PCDHA10: variants seen among roughly 807,000 people sequenced by gnomAD.
PCDHA10 encodes the protein protocadherin alpha-10.
PCDHA10 carries 45 observed loss-of-function variants against 61.2 expected under a neutral mutation model. That is an observed-to-expected ratio of 0.74 (90% CI 0.58 to 0.94). The LOEUF (loss-of-function observed/expected upper bound fraction) is 0.94. Among genes scored for constraint, PCDHA10 ranks in the 40% least tolerant of loss-of-function variants. PCDHA10 has a pLI of 0.00. For synonymous variants in PCDHA10, 602 were observed against 548.8 expected (o/e 1.10, Z -1.35); for missense variants, 1,278 against 1,236.2 (o/e 1.03, Z -0.51).
At chr5:140,899,574 C>T (rs890849786) in intron 1 of PCDHA10, among the ~76,000 whole-genome samples, 2 of 152,112 alleles carry the variant, frequency 1.3e-5, no homozygotes, top group African/African-American at 4.8e-5. Context: ...CTGCTGGATT[C>T]GGTTTGCCAG....
At chr5:140,915,096 C>T (rs530875134) in intron 1 of PCDHA10, among the ~76,000 whole-genome samples, 1 of 152,060 alleles carries the variant, frequency 6.6e-6, no homozygotes, top group Admixed American at 6.5e-5. Context: ...TGGGCACGCA[C>T]CACCACAACA....
chr5:140,883,551 G>T, intron 1 of PCDHA10: 4 of 1,614,234 alleles, frequency 2.5e-6, no homozygotes, highest in Non-Finnish European at 3.4e-6. Flanking sequence ...GTGACCGCGC[G>T]GGACGGGGGC....
chr5:140,858,158 G>T lies in PCDHA10; in HGVS notation c.2110G>T (p.Ala704Ser), dbSNP rs781899082. The T allele has an allele frequency of 5.6e-6, 9 of 1,597,732 alleles. 3 individuals carry two copies. Among genetic ancestry groups the T allele is most frequent in the Non-Finnish European group, 7.7e-6 (9 of 1,167,532 alleles). ...CGTGTACCTGATCATCGCCATCTGC[G>T]CGGTGTCCAGCTTGCTGGTGCTCAC... ...VNVYLIIAIC[A>S]VSSLLVLTLL... The change falls in exon 1 of 4, where the codon GCG becomes TCG. Residue 704 changes from alanine to serine, a missense_variant. Ala to Ser is a moderately conservative substitution (Grantham distance 99). Coordinates refer to ENST00000307360, the MANE Select transcript of PCDHA10 (RefSeq NM_018901.4).
At chr5:140,858,899 C>T (rs1236968449) in intron 1 of PCDHA10, 4 of 203,942 alleles carry the variant, frequency 2.0e-5, no homozygotes, top group Non-Finnish European at 3.0e-5. Flanking sequence ...ATATGTGTAG[C>T]GTACCACAGC....
intron 1 of PCDHA10, chr5:140,860,894 C>A (rs1220238688): frequency 1.3e-5 from 2 of 152,314 alleles, no homozygotes; most frequent in African/African-American, 2.4e-5. Context: ...CCCGCCAACA[C>A]GCCAGGCTAA....
chr5:140,858,703 T>C lies in PCDHA10; in HGVS notation c.2388+267T>C, dbSNP rs918251691. 1.1e-5 allele frequency: 6 copies of C among 560,482 alleles called. 2 individuals carry two copies. The highest frequency in any genetic ancestry group is 1.8e-5 in the Non-Finnish European group (6 of 325,182). 34.7% of individuals were successfully genotyped at this position (560,482 alleles called of 1,614,324 possible). ...ACACTAATATTTTCCAATACAAATATGTGATATAGGTTGCAGTTCTGACGA... is the reference window on the plus strand; with the variant it reads ...ACACTAATATTTTCCAATACAAATACGTGATATAGGTTGCAGTTCTGACGA... On this transcript the variant is annotated intron_variant, in intron 1 of 3. Coordinates refer to ENST00000307360, the MANE Select transcript of PCDHA10 (RefSeq NM_018901.4).
At chr5:140,878,174 T>C (rs1554170323) in intron 1 of PCDHA10, 2 of 167,818 alleles carry the variant, frequency 1.2e-5, no homozygotes, top group African/African-American at 2.4e-5. Flanking sequence ...TGTTCATAAT[T>C]TCAAGATTAC....
chr5:140,992,976 AG>A (rs2097535791), intron 3 of PCDHA10, among the ~76,000 whole-genome samples: 3 of 152,240 alleles, frequency 2.0e-5, no homozygotes, highest in Non-Finnish European at 4.4e-5. Flanking sequence ...GACAATGATT[AG>A]GCCATGGGAC....
At chr5:141,000,558 G>A (rs1462892656) in intron 3 of PCDHA10, among the ~76,000 whole-genome samples, 1 of 149,136 alleles carries the variant, frequency 6.7e-6, no homozygotes, top group Admixed American at 6.8e-5. Flanking sequence ...CTCCCGAGTA[G>A]CTGGGATTAC....
chr5:140,873,497 T>C (rs1236825837), intron 1 of PCDHA10, among the ~76,000 whole-genome samples: 1 of 152,230 alleles, frequency 6.6e-6, no homozygotes, highest in Non-Finnish European at 1.5e-5. Context: ...TGCAAAGTTG[T>C]GTCTTTTATA....
intron 1 of PCDHA10, chr5:140,864,514 A>ATTTTACTTCTTAATT (rs2048501242): frequency 6.6e-6 from 1 of 152,082 alleles, no homozygotes; most frequent in African/African-American, 2.4e-5. Context: ...TTTAAAGGTG[A>ATTTTACTTCTTAATT]TTTTACTTCT....
chr5:140,953,960 A>G (rs2153700982), intron 1 of PCDHA10, among the ~76,000 whole-genome samples: 1 of 152,088 alleles, frequency 6.6e-6, no homozygotes, highest in South Asian at 2.1e-4. Flanking sequence ...AACAGGCCCC[A>G]GTGTGTGTTG....
chr5:141,004,642 C>T (rs1470971220), intron 3 of PCDHA10, among the ~76,000 whole-genome samples: 1 of 152,120 alleles, frequency 6.6e-6, no homozygotes, highest in African/African-American at 2.4e-5. Context: ...GAAAAATTTC[C>T]ATTTTGGGCT....
At chr5:140,966,246 G>A (rs184430396) in intron 1 of PCDHA10, 1 of 319,412 alleles carries the variant, frequency 3.1e-6, no homozygotes, top group East Asian at 5.0e-5. Flanking sequence ...TTAAGCAGGG[G>A]AGAGACGGTG....
At chr5:140,882,301 G>T in intron 1 of PCDHA10, 1 of 1,613,800 alleles carries the variant, frequency 6.2e-7, no homozygotes, top group Non-Finnish European at 8.5e-7. Context: ...GCCCAAGACC[G>T]CGGCAACTAC....
intron 1 of PCDHA10, chr5:140,869,935 A>T: frequency 1.2e-6 from 2 of 1,612,050 alleles, no homozygotes; most frequent in Admixed American, 1.7e-5. Flanking sequence ...TGGAGAGGTA[A>T]CATACTCCTT....
Position 140,871,448 on chromosome 5 carries a change from A to G in PCDHA10, c.2388+13012A>G, listed in dbSNP as rs2053088391. On this transcript the variant is annotated intron_variant, in intron 1 of 3. Transcript: ENST00000307360. ...AGTCTTCCTCTAGGTCTGAATAAAG[A>G]GGAGGAAGGGGAAAGACAGGAGCCA... 2 of 1,609,780 alleles carry G rather than the reference A, an allele frequency of 1.2e-6. No homozygotes were observed. Among genetic ancestry groups the G allele is most frequent in the African/African-American group, 2.7e-5 (2 of 74,984 alleles).
intron 1 of PCDHA10, among the ~76,000 whole-genome samples, chr5:140,936,259 T>A (rs1327533719): frequency 6.6e-6 from 1 of 152,228 alleles, no homozygotes; most frequent in African/African-American, 2.4e-5. Context: ...CTTCAAGTCA[T>A]GAAGATATAT....
chr5:140,955,492 A>G, intron 1 of PCDHA10, among the ~76,000 whole-genome samples: 1 of 152,138 alleles, frequency 6.6e-6, no homozygotes, highest in East Asian at 1.9e-4. Context: ...TCCTGCCACC[A>G]TGTGAAGAAA....
Sources: allele counts gnomAD v4.1 joint callset (sites outside exome capture counted in the v4.1 genomes callset), GRCh38; gene constraint gnomAD v4.1.1; transcripts MANE v1.5; gene names NCBI Gene and HGNC (gene_info 2026-07-23, HGNC 2026-07-21).